EBF1: variants seen among roughly 807,000 people sequenced by gnomAD.
The protein encoded by EBF1 is transcription factor COE1.
A neutral mutation model predicts 68.4 loss-of-function variants in EBF1; 10 were observed. The ratio of observed to expected loss-of-function variants is 0.15; its 90% CI spans 0.09 to 0.25. The LOEUF (loss-of-function observed/expected upper bound fraction) is 0.25. EBF1 is among the 10% of genes least tolerant of loss of function. The pLI, the probability that EBF1 is intolerant of heterozygous loss-of-function variation, is 1.00. For missense variants in EBF1, 509 were observed against 794.4 expected (o/e 0.64, Z 4.32); for synonymous variants, 298 against 299.8 (o/e 0.99, Z 0.06).
At chr5:158,876,217 C>A (rs1161337358) in intron 6 of EBF1, among the ~76,000 whole-genome samples, 1 of 152,118 alleles carries the variant, frequency 6.6e-6, no homozygotes, top group East Asian at 1.9e-4. Flanking sequence ...AGTGAGCTTG[C>A]AATAAAGCAG....
intron 6 of EBF1, among the ~76,000 whole-genome samples, chr5:158,934,654 CCT>C (rs1811594555): frequency 6.6e-6 from 1 of 152,306 alleles, no homozygotes; most frequent in South Asian, 2.1e-4. Flanking sequence ...AAACATTTTT[CCT>C]CTGTTAATTT....
intron 6 of EBF1, among the ~76,000 whole-genome samples, chr5:158,885,783 G>T (rs183215720): frequency 6.6e-6 from 1 of 152,326 alleles, no homozygotes; most frequent in East Asian, 1.9e-4. Flanking sequence ...ACCTGGGTCT[G>T]CCAAGCACCG....
chr5:158,872,624 C>T (rs74888730), intron 6 of EBF1, among the ~76,000 whole-genome samples: 3 of 152,270 alleles, frequency 2.0e-5, no homozygotes, highest in East Asian at 1.9e-4. Context: ...AGTGAACTGT[C>T]GAAAGCTCCT....
chr5:158,933,096 C>A (rs1254775239), intron 6 of EBF1, among the ~76,000 whole-genome samples: 1 of 151,586 alleles, frequency 6.6e-6, no homozygotes, highest in Non-Finnish European at 1.5e-5. Flanking sequence ...TAATTTTTTT[C>A]TTCCTAATCA....
intron 10 of EBF1, among the ~76,000 whole-genome samples, chr5:158,753,218 C>T (rs554697196): frequency 7.9e-5 from 12 of 152,002 alleles, no homozygotes; most frequent in Non-Finnish European, 1.5e-4. Flanking sequence ...GAAAGGATAC[C>T]GGAGTAGAAG....
chr5:158,764,841 T>C (rs181273239), intron 10 of EBF1, among the ~76,000 whole-genome samples: 112 of 152,278 alleles, frequency 7.4e-4, no homozygotes, highest in African/African-American at 2.4e-3. Flanking sequence ...AGGATACAGA[T>C]CTGATATCAG....
rs58461083 is a variant in EBF1, at chr5:159,079,602, CTTTTTT to C, written c.485+5058_485+5063del. On this transcript the variant is annotated intron_variant, in intron 5 of 15. Transcript: ENST00000313708. ...CCTCTTTGAAACACCCTCCTTTTAT[CTTTTTT>C]TTTTTTTTTTTTTTTTGAGATGGTG... Among the ~76,000 whole-genome samples the C allele has an allele frequency of 1.4e-3, 154 of 113,640 alleles. 1 individual carries two copies. The highest frequency in any genetic ancestry group is 4.9e-3 in the African/African-American group (137 of 27,970). 74.6% of individuals were successfully genotyped at this position (113,640 alleles called of 152,430 possible).
intron 4 of EBF1, among the ~76,000 whole-genome samples, chr5:159,088,360 T>A (rs1046145542): frequency 1.3e-5 from 2 of 152,144 alleles, no homozygotes; most frequent in African/African-American, 4.8e-5. Context: ...CTGATAGCCC[T>A]ACATCAATTT....
chr5:158,897,578 T>TAA (rs897018920), intron 6 of EBF1, among the ~76,000 whole-genome samples: 1 of 147,262 alleles, frequency 6.8e-6, no homozygotes, highest in Non-Finnish European at 1.5e-5. Flanking sequence ...ACTTAAACGT[T>TAA]AAAAAAAAAA....
intron 6 of EBF1, among the ~76,000 whole-genome samples, chr5:158,939,815 A>G (rs749348061): frequency 9.9e-5 from 15 of 152,212 alleles, no homozygotes; most frequent in Non-Finnish European, 1.6e-4. Context: ...AAATGTCATC[A>G]TGGAAATCTG....
chr5:158,963,952 G>A (rs747667883), intron 6 of EBF1, among the ~76,000 whole-genome samples: 7 of 152,156 alleles, frequency 4.6e-5, no homozygotes, highest in Non-Finnish European at 7.3e-5. Flanking sequence ...GGGATGGGGG[G>A]AGTTACATGG....
chr5:158,855,414 A>G (rs906102435), intron 6 of EBF1, among the ~76,000 whole-genome samples: 4 of 152,240 alleles, frequency 2.6e-5, no homozygotes, highest in Admixed American at 6.5e-5. Flanking sequence ...TGACATGGTC[A>G]GGGTCACCCA....
At chr5:158,815,457 T>C (rs1452750188) in intron 8 of EBF1, among the ~76,000 whole-genome samples, 4 of 152,116 alleles carry the variant, frequency 2.6e-5, no homozygotes, top group African/African-American at 4.8e-5. Flanking sequence ...GATGAGATGA[T>C]AAGTAAAATA....
intron 11 of EBF1, among the ~76,000 whole-genome samples, chr5:158,715,527 G>A (rs1035329775): frequency 1.3e-5 from 2 of 152,114 alleles, no homozygotes; most frequent in Non-Finnish European, 2.9e-5. Flanking sequence ...ATAAGATAGT[G>A]GGGTTTTCAG....
chr5:159,080,824 C>A (rs1779628813), intron 5 of EBF1, among the ~76,000 whole-genome samples: 1 of 152,140 alleles, frequency 6.6e-6, no homozygotes, highest in African/African-American at 2.4e-5. Context: ...AACTTCCTTG[C>A]CTTCAAAAAG....
intron 6 of EBF1, among the ~76,000 whole-genome samples, chr5:158,973,331 CA>C (rs1331350396): frequency 6.6e-6 from 1 of 151,906 alleles, no homozygotes; most frequent in African/African-American, 2.4e-5. Context: ...TTTCTCTCTT[CA>C]TCCCCTATTT....
chr5:159,061,370 T>C (rs993983471), intron 6 of EBF1, among the ~76,000 whole-genome samples: 2 of 151,914 alleles, frequency 1.3e-5, no homozygotes, highest in Non-Finnish European at 2.9e-5. Flanking sequence ...CTGCACACTT[T>C]CACAGAGGCA....
intron 6 of EBF1, among the ~76,000 whole-genome samples, chr5:159,056,816 C>A (rs1774838410): frequency 6.6e-6 from 1 of 152,062 alleles, no homozygotes; most frequent in Non-Finnish European, 1.5e-5. Flanking sequence ...TCAGTACCTT[C>A]CAGAGAAAGA....
intron 6 of EBF1, among the ~76,000 whole-genome samples, chr5:158,856,670 T>TC (rs1794078928): frequency 6.6e-6 from 1 of 152,064 alleles, no homozygotes. Context: ...AACCCTACGC[T>TC]CCCCCATCCA....
Sources: gnomAD v4.1 joint callset for allele counts (sites outside exome capture counted in the v4.1 genomes callset) on GRCh38, gnomAD v4.1.1 for gene constraint, MANE v1.5 for transcripts, NCBI Gene and HGNC (gene_info 2026-07-23, HGNC 2026-07-21) for gene names.